Variants in CERKL observed in about 807,000 individuals in gnomAD.
CERKL encodes ceramide kinase-like protein.
In CERKL, 61 loss-of-function variants were observed where a neutral mutation model predicts 63.4. The observed-to-expected ratio is 0.96, with a 90% CI of 0.78 to 1.19. The LOEUF is 1.19. Among genes scored for constraint, CERKL ranks in the 50% most tolerant of loss-of-function variants. The probability of loss-of-function intolerance (pLI) is 0.00; values close to 1 mark genes in which losing one functional copy is unlikely to be tolerated. For synonymous variants in CERKL, 250 were observed against 230.5 expected (o/e 1.08, Z -0.77); for missense variants, 675 against 655.5 (o/e 1.03, Z -0.33).
intron 1 of CERKL, among the ~76,000 whole-genome samples, chr2:181,616,290 T>C (rs531754277): frequency 6.8e-6 from 1 of 147,564 alleles, no homozygotes; most frequent in Non-Finnish European, 1.5e-5. Context: ...CTTGGCTCAC[T>C]GCAAGCTCCG....
intron 1 of CERKL, chr2:181,617,257 C>A (rs1228657989): frequency 6.6e-6 from 1 of 152,224 alleles, no homozygotes; most frequent in African/African-American, 2.4e-5. Context: ...ATACATACAG[C>A]ATTTCTGCTA....
At chr2:181,570,819 T>C (rs1688871343) in intron 3 of CERKL, among the ~76,000 whole-genome samples, 1 of 152,196 alleles carries the variant, frequency 6.6e-6, no homozygotes, top group African/African-American at 2.4e-5. Flanking sequence ...CATATTATAC[T>C]TCATATTTAT....
At chr2:181,587,451 T>C (rs991571782) in intron 2 of CERKL, among the ~76,000 whole-genome samples, 2 of 152,214 alleles carry the variant, frequency 1.3e-5, no homozygotes, top group African/African-American at 2.4e-5. Context: ...GCCAAATGTG[T>C]CATCCATATA....
At chr2:181,616,207 T>C (rs1034059400) in intron 1 of CERKL, among the ~76,000 whole-genome samples, 189 of 16,078 alleles carry the variant, frequency 0.012, no homozygotes, top group African/African-American at 0.09. Context: ...AAAATCTAAA[T>C]TTTTTTTTTT....
intron 1 of CERKL, among the ~76,000 whole-genome samples, chr2:181,613,537 T>C (rs1238556889): frequency 6.6e-6 from 1 of 152,166 alleles, no homozygotes; most frequent in East Asian, 1.9e-4. Flanking sequence ...ATCTGAGGTT[T>C]TCACACGAAT....
intron 2 of CERKL, among the ~76,000 whole-genome samples, chr2:181,577,952 C>G (rs1051008241): frequency 7.9e-5 from 12 of 152,148 alleles, no homozygotes; most frequent in Non-Finnish European, 1.3e-4. Context: ...TCTGAACCTA[C>G]ATCTGTCTGA....
chr2:181,556,578 A>C (rs1688215666), intron 5 of CERKL, among the ~76,000 whole-genome samples: 1 of 152,200 alleles, frequency 6.6e-6, no homozygotes, highest in South Asian at 2.1e-4. Flanking sequence ...TGAACTCATC[A>C]TTTTTTATGG....
intron 2 of CERKL, among the ~76,000 whole-genome samples, chr2:181,597,649 G>A (rs1685275293): frequency 6.6e-6 from 1 of 152,172 alleles, no homozygotes; most frequent in African/African-American, 2.4e-5. Flanking sequence ...AGAACTGGGT[G>A]GCCAGCTCCT....
chr2:181,647,059 G>A (rs114529335), intron 1 of CERKL, among the ~76,000 whole-genome samples: 1,554 of 152,294 alleles, frequency 0.01, 30 homozygotes, highest in African/African-American at 0.036. Context: ...AGCTGGTAGA[G>A]AATGAAGGCT....
rs1559072084 is a variant in CERKL at position 181,548,791 on chromosome 2, G to A, written c.962C>T (p.Ser321Leu). 1 of 1,613,926 alleles carries A rather than the reference G, an allele frequency of 6.2e-7. No individual in the cohort carries two copies. The highest frequency in any genetic ancestry group is 8.5e-7 in the Non-Finnish European group (1 of 1,179,962). Residue 321 changes from serine (S) to leucine (L), a missense_variant, in exon 7 of 13, where the codon TCA becomes TTA. Ser to Leu is a moderately radical substitution (Grantham distance 145, BLOSUM62 -2). Transcript: ENST00000410087. ...TCTTCCACCAAAGCCAAACATGGCT[G>A]AGAACCCAAAGCGAAGAAGCTTGCC... Reference protein sequence around the residue: ...TAGKLLRFGFSAMFGFGGRTL... With the variant: ...TAGKLLRFGFLAMFGFGGRTL...
intron 3 of CERKL, among the ~76,000 whole-genome samples, chr2:181,571,007 C>G (rs977134460): frequency 1.3e-5 from 2 of 152,062 alleles, no homozygotes; most frequent in Non-Finnish European, 2.9e-5. Flanking sequence ...CGAATTCGAT[C>G]TTACTATGAC....
chr2:181,625,107 G>A (rs1158505123), intron 1 of CERKL, among the ~76,000 whole-genome samples: 1 of 152,164 alleles, frequency 6.6e-6, no homozygotes, highest in Non-Finnish European at 1.5e-5. Context: ...CAAGAATGGA[G>A]ACTGGGAAAA....
chr2:181,577,081 A>T (rs552160771), intron 2 of CERKL, among the ~76,000 whole-genome samples: 1 of 152,324 alleles, frequency 6.6e-6, no homozygotes, highest in East Asian at 1.9e-4. Flanking sequence ...CTGCAGATTC[A>T]TATTTATAAC....
intron 12 of CERKL, among the ~76,000 whole-genome samples, chr2:181,538,607 G>A (rs1687326879): frequency 6.6e-6 from 1 of 152,120 alleles, no homozygotes; most frequent in Admixed American, 6.6e-5. Flanking sequence ...GTTTATACCA[G>A]TTGCTATGTA....
In CERKL at chr2:181,536,860, C is replaced by A; in HGVS notation, c.*1324G>T. On this transcript the variant is annotated 3_prime_UTR_variant, in exon 13 of 13. Coordinates refer to ENST00000410087, the MANE Select transcript of CERKL (RefSeq NM_201548.5). Reference sequence around the variant, plus strand: ...TCTGCCTTCATAAGAGAGCTGTGGCCGAATTTTGAACATCTGTTATAGGGA... The same window carrying A: ...TCTGCCTTCATAAGAGAGCTGTGGCAGAATTTTGAACATCTGTTATAGGGA... The A allele has an allele frequency of 2.3e-6, 1 of 427,480 alleles. No individual in the cohort carries two copies. Among genetic ancestry groups the A allele is most frequent in the South Asian group, 1.7e-5 (1 of 58,202 alleles). 26.5% of individuals were successfully genotyped at this position (427,480 alleles called of 1,614,324 possible). A position where few individuals can be genotyped will look rare whatever the true frequency, so the allele number is the denominator to read the frequency against.
At chr2:181,545,781 T>C (rs1287880355) in intron 10 of CERKL, among the ~76,000 whole-genome samples, 1 of 152,204 alleles carries the variant, frequency 6.6e-6, no homozygotes, top group African/African-American at 2.4e-5. Context: ...AGTGTTACTG[T>C]GCATCTTTAA....
At chr2:181,539,378 T>A (rs899177158) in intron 11 of CERKL, 114 bp from the exon 12 acceptor site, 18 of 705,224 alleles carry the variant, frequency 2.6e-5, no homozygotes, top group Non-Finnish European at 4.2e-5. Context: ...GCTGACATTT[T>A]AATAGCTTTG....
At chr2:181,596,891 T>C (rs1685236407) in intron 2 of CERKL, among the ~76,000 whole-genome samples, 2 of 152,218 alleles carry the variant, frequency 1.3e-5, no homozygotes, top group African/African-American at 2.4e-5. Context: ...GAATAAGTCC[T>C]AAGAAGGATG....
chr2:181,643,225 A>T (rs1687524002), intron 1 of CERKL, among the ~76,000 whole-genome samples: 1 of 152,266 alleles, frequency 6.6e-6, no homozygotes. Context: ...ATAGGTGGTC[A>T]GAACTGATAG....
Sources: allele counts gnomAD v4.1 joint callset (sites outside exome capture counted in the v4.1 genomes callset), GRCh38; gene constraint gnomAD v4.1.1; transcripts MANE v1.5; gene names NCBI Gene and HGNC (gene_info 2026-07-23, HGNC 2026-07-21).